Variants in SPOCK1 observed in about 807,000 individuals in gnomAD.
SPOCK1 encodes the protein testican-1.
In SPOCK1, 23 loss-of-function variants were observed where a neutral mutation model predicts 55.3. The ratio of observed to expected loss-of-function variants is 0.42; its 90% CI spans 0.30 to 0.59. The LOEUF is 0.59. Ranked by LOEUF, SPOCK1 falls within the 20% of genes least tolerant of loss-of-function variation. The pLI, the probability that SPOCK1 is intolerant of heterozygous loss-of-function variation, is 0.22. For missense variants in SPOCK1, 499 were observed against 552.5 expected (o/e 0.90, Z 0.97); for synonymous variants, 226 against 221.0 (o/e 1.02, Z -0.20).
At chr5:137,378,872 G>T (rs968576710) in intron 2 of SPOCK1, among the ~76,000 whole-genome samples, 4 of 152,142 alleles carry the variant, frequency 2.6e-5, no homozygotes, top group Non-Finnish European at 4.4e-5. Flanking sequence ...GCATCAGAGG[G>T]GTAAAAAGGC....
At chr5:137,380,215 C>T (rs55982560) in intron 2 of SPOCK1, among the ~76,000 whole-genome samples, 2,832 of 152,086 alleles carry the variant, frequency 0.019, 38 homozygotes, top group Middle Eastern at 0.034. Context: ...TGGTGGCGGC[C>T]GGGGGAAAGG....
rs544013932 is a variant in SPOCK1, at chr5:137,113,210, C to G, written c.348-649G>C. Among the ~76,000 whole-genome samples, 10 of 152,276 alleles carry G rather than the reference C, an allele frequency of 6.6e-5. No individual in the cohort carries two copies. In the East Asian group the frequency reaches 1.9e-3, roughly 29 times the overall value. On this transcript the variant is annotated intron_variant, in intron 4 of 10. Transcript: ENST00000394945. ...AGCTCAAGTTTTTCCCCATTCTAAC[C>G]TTTGTCATAATGATAAATGTCGCTA... is the stretch of plus-strand genomic sequence containing the variant.
chr5:137,435,846 T>A (rs959274868), intron 2 of SPOCK1, among the ~76,000 whole-genome samples: 1 of 152,082 alleles, frequency 6.6e-6, no homozygotes, highest in Non-Finnish European at 1.5e-5. Context: ...TTGGGGGAGT[T>A]TTTTTACTTA....
chr5:137,233,900 C>A (rs1019483325), intron 3 of SPOCK1, among the ~76,000 whole-genome samples: 7 of 151,940 alleles, frequency 4.6e-5, no homozygotes, highest in Non-Finnish European at 1.0e-4. Flanking sequence ...ATTTTTCTTG[C>A]CTCACTGCAG....
intron 2 of SPOCK1, among the ~76,000 whole-genome samples, chr5:137,330,404 CT>C (rs1401037715): frequency 1.3e-5 from 2 of 152,194 alleles, no homozygotes; most frequent in Admixed American, 1.3e-4. Flanking sequence ...TAATTCACTC[CT>C]TAAATGCATC....
At chr5:137,227,077 A>G (rs1271685469) in intron 3 of SPOCK1, among the ~76,000 whole-genome samples, 1 of 152,236 alleles carries the variant, frequency 6.6e-6, no homozygotes, top group African/African-American at 2.4e-5. Flanking sequence ...TGACAAGGGG[A>G]CAAAACAGGG....
intron 3 of SPOCK1, among the ~76,000 whole-genome samples, chr5:137,155,559 G>C (rs188393832): frequency 6.6e-6 from 1 of 152,308 alleles, no homozygotes; most frequent in East Asian, 1.9e-4. Context: ...GATGAAATAC[G>C]GGGATACCCT....
chr5:137,100,871 A>AG (rs201543316), intron 5 of SPOCK1, among the ~76,000 whole-genome samples: 31 of 84,646 alleles, frequency 3.7e-4, no homozygotes, highest in South Asian at 7.0e-4. Context: ...TGTTTCCGAA[A>AG]GGGGAAAAAA....
chr5:137,115,032 A>C (rs927702509), intron 4 of SPOCK1, among the ~76,000 whole-genome samples: 2 of 152,234 alleles, frequency 1.3e-5, no homozygotes, highest in Admixed American at 1.3e-4. Flanking sequence ...ATCAATCACC[A>C]GTTAATGACA....
At chr5:137,027,959 G>C (rs940553267) in intron 6 of SPOCK1, among the ~76,000 whole-genome samples, 30 of 152,296 alleles carry the variant, frequency 2.0e-4, no homozygotes, top group African/African-American at 6.7e-4. Flanking sequence ...TCTGTGGTCA[G>C]AATAAACTTA....
intron 2 of SPOCK1, among the ~76,000 whole-genome samples, chr5:137,396,864 G>T (rs1412190980): frequency 6.6e-6 from 1 of 152,172 alleles, no homozygotes; most frequent in African/African-American, 2.4e-5. Flanking sequence ...CCACCCAAGA[G>T]AGGGTGTCTC....
At chr5:137,417,396 A>G (rs1752361153) in intron 2 of SPOCK1, among the ~76,000 whole-genome samples, 1 of 150,500 alleles carries the variant, frequency 6.6e-6, no homozygotes, top group Non-Finnish European at 1.5e-5. Flanking sequence ...TTACTGTCAA[A>G]TGCACACATT....
chr5:137,468,363 T>C (rs1441454884), intron 2 of SPOCK1, among the ~76,000 whole-genome samples: 1 of 152,192 alleles, frequency 6.6e-6, no homozygotes, highest in Admixed American at 6.5e-5. Flanking sequence ...TTAAAGAACT[T>C]TCCTGCAAGG....
At chr5:137,019,413 T>G (rs1751515549) in intron 6 of SPOCK1, among the ~76,000 whole-genome samples, 1 of 152,130 alleles carries the variant, frequency 6.6e-6, no homozygotes, top group African/African-American at 2.4e-5. Flanking sequence ...CACTTAGGAT[T>G]GTATTGTGAG....
intron 2 of SPOCK1, among the ~76,000 whole-genome samples, chr5:137,432,393 G>A (rs1487567125): frequency 1.4e-5 from 2 of 145,582 alleles, no homozygotes; most frequent in East Asian, 2.0e-4. Context: ...TTTAAATGTA[G>A]TATATAATAC....
At chr5:137,019,784 C>T (rs896552854) in intron 6 of SPOCK1, among the ~76,000 whole-genome samples, 1 of 151,294 alleles carries the variant, frequency 6.6e-6, no homozygotes, top group African/African-American at 2.4e-5. Context: ...TTCTGAAGTG[C>T]AAAAAGGAAT....
intron 3 of SPOCK1, among the ~76,000 whole-genome samples, chr5:137,235,650 C>T (rs371895575): frequency 1.3e-5 from 2 of 152,348 alleles, no homozygotes; most frequent in African/African-American, 4.8e-5. Context: ...AAACACTGCT[C>T]TGTGTGAAGA....
intron 5 of SPOCK1, among the ~76,000 whole-genome samples, chr5:137,088,909 G>C (rs1264041361): frequency 6.6e-6 from 1 of 152,172 alleles, no homozygotes; most frequent in South Asian, 2.1e-4. Context: ...GGAGCAAAAA[G>C]GTTAAGAAAC....
chr5:137,392,172 C>T (rs1482531679), intron 2 of SPOCK1, among the ~76,000 whole-genome samples: 3 of 152,166 alleles, frequency 2.0e-5, no homozygotes, highest in Admixed American at 2.0e-4. Flanking sequence ...CTCTCTGTTT[C>T]TAAGTGTACA....
Sources: gnomAD v4.1 joint callset for allele counts (sites outside exome capture counted in the v4.1 genomes callset) on GRCh38, gnomAD v4.1.1 for gene constraint, MANE v1.5 for transcripts, NCBI Gene and HGNC (gene_info 2026-07-23, HGNC 2026-07-21) for gene names.